Variants in LEPR observed in about 807,000 individuals in gnomAD.
LEPR encodes OB receptor.
In LEPR, 56 loss-of-function variants were observed where a neutral mutation model predicts 114.7. The ratio of observed to expected loss-of-function variants is 0.49; its 90% CI spans 0.39 to 0.61. The LOEUF (loss-of-function observed/expected upper bound fraction) is 0.61. Among genes scored for constraint, LEPR ranks in the 20% least tolerant of loss-of-function variants. The pLI, the probability that LEPR is intolerant of heterozygous loss-of-function variation, is 0.00. For missense variants in LEPR, 1,202 were observed against 1,352.9 expected (o/e 0.89, Z 1.75); for synonymous variants, 443 against 461.4 (o/e 0.96, Z 0.51).
intron 2 of LEPR, chr1:65,432,949 A>G (rs1268889786): frequency 1.5e-5 from 15 of 984,692 alleles, no homozygotes; most frequent in Non-Finnish European, 1.8e-5. Flanking sequence ...ATCAAAATAA[A>G]AAACAAAACA....
intron 2 of LEPR, among the ~76,000 whole-genome samples, chr1:65,557,270 C>T (rs1464079447): frequency 1.3e-5 from 2 of 152,032 alleles, no homozygotes; most frequent in Admixed American, 1.3e-4. Flanking sequence ...ACAATACAAC[C>T]ATAAGAAAAG....
chr1:65,433,771 A>G, intron 2 of LEPR: 1 of 930,190 alleles, frequency 1.1e-6, no homozygotes, highest in Non-Finnish European at 1.3e-6. Context: ...ACTTGCATTT[A>G]TTGTATTGTA....
intron 2 of LEPR, among the ~76,000 whole-genome samples, chr1:65,448,065 G>A (rs1646735206): frequency 6.6e-6 from 1 of 152,128 alleles, no homozygotes. Flanking sequence ...TGTTGAAAAG[G>A]AGTGGTGAGA....
At chr1:65,555,178 C>T (rs1385651065) in intron 2 of LEPR, among the ~76,000 whole-genome samples, 4 of 152,142 alleles carry the variant, frequency 2.6e-5, no homozygotes, top group East Asian at 1.9e-4. Context: ...CAGCCACCCC[C>T]GCCTGTTCTT....
chr1:65,603,307 C>A (rs896262588), intron 10 of LEPR, among the ~76,000 whole-genome samples: 1 of 151,806 alleles, frequency 6.6e-6, no homozygotes, highest in Non-Finnish European at 1.5e-5. Flanking sequence ...CCCAGATGAC[C>A]CCTCACTCCT....
At position 65,604,888 on chromosome 1, in the gene LEPR, C is replaced by A; in HGVS notation, c.1404-150C>A. The A allele has an allele frequency of 3.7e-6, 3 of 816,842 alleles. No homozygotes were observed. The South Asian group carries it at 5.3e-5, about 14-fold the overall frequency. 50.6% of individuals were successfully genotyped at this position (816,842 alleles called of 1,614,324 possible). On this transcript the variant is annotated intron_variant, in intron 10 of 19. Transcript: ENST00000349533. ...AAATCCTGAACCATCTCCCATCCCC[C>A]ATTAGTGGAAAAATTGTCTTCCATG... is the stretch of plus-strand genomic sequence containing the variant.
Position 65,633,980 on chromosome 1 carries a change from A to G in LEPR, c.2674-2211A>G. ...TTTAATTATGACCTAAATCTAATTT[A>G]CTTCCACTGAACCATCCAAGACCTC... is the stretch of plus-strand genomic sequence containing the variant. On this transcript the variant is annotated intron_variant, in intron 19 of 19. Transcript: ENST00000349533. This position sits in a 1 kb window ranked among gnomAD's most constrained non-coding sequence, Gnocchi z 4.1. 1 of 984,492 alleles carries G rather than the reference A, an allele frequency of 1.0e-6. No homozygotes were observed. The highest frequency in any genetic ancestry group is 1.2e-6 in the Non-Finnish European group (1 of 829,064). 61.0% of individuals were successfully genotyped at this position (984,492 alleles called of 1,614,324 possible). A position where few individuals can be genotyped will look rare whatever the true frequency, so the allele number is the denominator to read the frequency against.
intron 14 of LEPR, 125 bp from the exon 15 acceptor site, chr1:65,615,883 A>G (rs907998659): frequency 7.8e-7 from 1 of 1,279,166 alleles, no homozygotes; most frequent in African/African-American, 1.5e-5. Flanking sequence ...TCAGCCTTGT[A>G]ATAGTACCTG....
intron 2 of LEPR, among the ~76,000 whole-genome samples, chr1:65,514,225 G>A (rs1230863402): frequency 6.6e-6 from 1 of 152,184 alleles, no homozygotes; most frequent in Admixed American, 6.5e-5. Flanking sequence ...GATAGTCAAG[G>A]AAATATGATT....
chr1:65,460,373 G>A (rs1237349730), intron 2 of LEPR, among the ~76,000 whole-genome samples: 1 of 152,112 alleles, frequency 6.6e-6, no homozygotes, highest in African/African-American at 2.4e-5. Context: ...GCTGGAAAGA[G>A]TGTAGCTGAG....
chr1:65,456,492 T>C (rs962082172), intron 2 of LEPR, among the ~76,000 whole-genome samples: 3 of 152,148 alleles, frequency 2.0e-5, no homozygotes, highest in Non-Finnish European at 2.9e-5. Context: ...TTTTAATGTA[T>C]GTGGTTAGGC....
intron 2 of LEPR, among the ~76,000 whole-genome samples, chr1:65,538,543 A>G (rs540127968): frequency 1.3e-5 from 2 of 152,330 alleles, no homozygotes; most frequent in South Asian, 2.1e-4. Flanking sequence ...GTAAGCCATT[A>G]CATTACTAAA....
intron 2 of LEPR, among the ~76,000 whole-genome samples, chr1:65,448,739 G>A (rs1646743160): frequency 6.6e-6 from 1 of 152,126 alleles, no homozygotes; most frequent in Non-Finnish European, 1.5e-5. Flanking sequence ...ATTCTTGTGT[G>A]AGTTTTGGCA....
At chr1:65,565,671 T>C in intron 3 of LEPR, 66 bp downstream of exon 3, 1 of 1,565,526 alleles carries the variant, frequency 6.4e-7, no homozygotes, top group Non-Finnish European at 8.8e-7. Context: ...CCTTTAGAGA[T>C]GCTGTTTTAT....
chr1:65,436,637 C>T (rs1168341138), intron 2 of LEPR, among the ~76,000 whole-genome samples: 2 of 152,174 alleles, frequency 1.3e-5, no homozygotes, highest in Non-Finnish European at 2.9e-5. Flanking sequence ...GTGGTCAATA[C>T]GAGGCACATA....
At chr1:65,615,685 A>G (rs1657484799) in intron 14 of LEPR, among the ~76,000 whole-genome samples, 1 of 152,192 alleles carries the variant, frequency 6.6e-6, no homozygotes, top group Non-Finnish European at 1.5e-5. Flanking sequence ...AATTAGAGTG[A>G]AACTTCTTGG....
intron 2 of LEPR, among the ~76,000 whole-genome samples, chr1:65,464,437 T>C (rs570360845): frequency 2.6e-5 from 4 of 152,356 alleles, no homozygotes; most frequent in African/African-American, 9.6e-5. Flanking sequence ...CAGTATTTTA[T>C]TGAGGATTTT....
Position 65,488,226 on chromosome 1 carries a change from C to CTCTCTCTCTCTTTCTTTCTT in LEPR, c.-21+62851_-21+62852insCTCTCTCTTTCTTTCTTTCT, listed in dbSNP as rs1553157734. ...TTTCTTTCTTTCTCTCTCTCTCTCT[C>CTCTCTCTCTCTTTCTTTCTT]TCTTTCTTTCTTTCTTTCTTTCTTT... On this transcript the variant is annotated intron_variant, in intron 2 of 19. Transcript: ENST00000349533. 6.3e-4 allele frequency among the ~76,000 whole-genome samples: 43 copies of CTCTCTCTCTCTTTCTTTCTT among 67,930 alleles called. 1 individual carries two copies. The highest frequency in any genetic ancestry group is 1.7e-3 in the South Asian group (3 of 1,752). The allele number at this position is 67,930 out of a possible 152,430, so 44.6% of individuals were successfully genotyped here. A position where few individuals can be genotyped will look rare whatever the true frequency, so the allele number is the denominator to read the frequency against.
chr1:65,585,196 C>T (rs1655234704), intron 5 of LEPR, among the ~76,000 whole-genome samples: 1 of 151,688 alleles, frequency 6.6e-6, no homozygotes, highest in Admixed American at 6.6e-5. Context: ...TATAGATTAC[C>T]AATCTGAAAT....
Sources: allele counts gnomAD v4.1 joint callset (sites outside exome capture counted in the v4.1 genomes callset), GRCh38; gene constraint gnomAD v4.1.1; non-coding constraint Gnocchi (gnomAD v3.1); transcripts MANE v1.5; gene names NCBI Gene and HGNC (gene_info 2026-07-23, HGNC 2026-07-21).